Variants in GALK1 observed in about 807,000 individuals in gnomAD.
The protein encoded by GALK1 is galactokinase 1.
In GALK1, 30 loss-of-function variants were observed where a neutral mutation model predicts 38.6. That is an observed-to-expected ratio of 0.78 (90% CI 0.58 to 1.05). The LOEUF (loss-of-function observed/expected upper bound fraction) is 1.05. GALK1 is among the 50% of genes least tolerant of loss of function. GALK1 has a pLI of 0.00. For synonymous variants in GALK1, 240 were observed against 233.6 expected (o/e 1.03, Z -0.25); for missense variants, 512 against 540.5 (o/e 0.95, Z 0.52).
At chr17:75,756,631 C>T (rs1443366814), downstream of GALK1, 5 of 1,612,728 alleles carry the variant, frequency 3.1e-6, no homozygotes, top group Non-Finnish European at 3.4e-6. Context: ...AGTTGCCTCC[C>T]CCAGCCCCAG....
downstream of GALK1, chr17:75,754,803 G>A (rs771555970): frequency 1.3e-5 from 21 of 1,613,828 alleles, no homozygotes; most frequent in East Asian, 3.8e-4. Flanking sequence ...CCTCACCTCC[G>A]TCTCCTCCCA....
downstream of GALK1, among the ~76,000 whole-genome samples, chr17:75,754,267 G>A (rs1352964171): frequency 6.6e-6 from 1 of 152,186 alleles, no homozygotes; most frequent in Non-Finnish European, 1.5e-5. Flanking sequence ...AGGACAGGAG[G>A]GAAGGCTTGG....
intron 1 of GALK1, 171 bp downstream of exon 1, chr17:75,764,801 C>T: frequency 1.4e-6 from 1 of 731,440 alleles, no homozygotes; most frequent in East Asian, 2.7e-5. Context: ...TCCCTTCCAA[C>T]GTGGGGAACA....
Position 75,758,005 on chromosome 17 carries a change from G to A in GALK1, c.*51C>T. On this transcript the variant is annotated 3_prime_UTR_variant, in exon 8 of 8. Coordinates refer to ENST00000588479, the MANE Select transcript of GALK1 (RefSeq NM_000154.2). ...AGATGGCACCGGGCACAGAGCCGTG[G>A]GACTGGCCTGCAGGCCCCGCACCCT... 6.3e-7 allele frequency: 1 copy of A among 1,594,566 alleles called. No homozygotes were observed. Among genetic ancestry groups the A allele is most frequent in the Non-Finnish European group, 8.6e-7 (1 of 1,165,524 alleles).
chr17:75,756,795 G>A (rs906375343), downstream of GALK1: 3 of 1,612,528 alleles, frequency 1.9e-6, no homozygotes, highest in Admixed American at 1.7e-5. Flanking sequence ...GCTGGGAGCG[G>A]CCACGGAGGC....
intron 2 of GALK1, chr17:75,763,645 A>T: frequency 1.4e-6 from 1 of 702,574 alleles, no homozygotes; most frequent in Non-Finnish European, 2.4e-6. Context: ...GGACACTTCT[A>T]ATTGTCCTCC....
downstream of GALK1, chr17:75,757,669 C>A: frequency 7.0e-7 from 1 of 1,430,560 alleles, no homozygotes; most frequent in Non-Finnish European, 9.8e-7. Context: ...CACCCGCATG[C>A]ACAGAGCAGG....
chr17:75,755,591 G>A (rs562005881), downstream of GALK1: 27 of 1,379,080 alleles, frequency 2.0e-5, no homozygotes, highest in South Asian at 2.4e-4. Context: ...TCCAGCCAGC[G>A]GTCAGTGTAG....
downstream of GALK1, chr17:75,753,769 C>T (rs376280983): frequency 2.8e-6 from 4 of 1,444,560 alleles, no homozygotes; most frequent in South Asian, 3.0e-5. Flanking sequence ...CCCAAGGCTG[C>T]GGCTGGAAGT....
At chr17:75,754,411 G>A (rs2143470669), downstream of GALK1, 1 of 804,872 alleles carries the variant, frequency 1.2e-6, no homozygotes, top group Non-Finnish European at 2.0e-6. Context: ...TTGGGCTCCT[G>A]CAGGGACAGA....
downstream of GALK1, chr17:75,755,302 C>T (rs879228788): frequency 7.2e-7 from 1 of 1,385,348 alleles, no homozygotes; most frequent in Non-Finnish European, 9.9e-7. Flanking sequence ...GTGCCCACTG[C>T]TTCCCCTCCA....
chr17:75,757,571 C>T (rs1203599975), downstream of GALK1: 2 of 1,613,008 alleles, frequency 1.2e-6, no homozygotes, highest in Admixed American at 3.3e-5. Context: ...CCCTGCCCCA[C>T]CCCCGCCACG....
At chr17:75,753,512 C>T (rs1042704098), downstream of GALK1, among the ~76,000 whole-genome samples, 2 of 152,162 alleles carry the variant, frequency 1.3e-5, no homozygotes, top group African/African-American at 4.8e-5. Context: ...CTGGCGGGTC[C>T]GGGGGTCTCT....
At chr17:75,752,146 A>C (rs202197398) in intron 8 of GALK1, 1 of 1,612,430 alleles carries the variant, frequency 6.2e-7, no homozygotes, top group African/African-American at 1.3e-5. Flanking sequence ...GACCTGGGTG[A>C]CCCTCTGAAG....
downstream of GALK1, chr17:75,754,817 T>A (rs112954953): frequency 6.2e-7 from 1 of 1,614,018 alleles, no homozygotes; most frequent in South Asian, 1.1e-5. Context: ...CCTCCCACGG[T>A]GAGTGACCTC....
At position 75,763,956 on chromosome 17, in the gene GALK1, A is replaced by G. The variant is rs763150103; in HGVS notation, c.296T>C (p.Leu99Pro). The G allele has an allele frequency of 9.9e-6, 16 of 1,613,566 alleles. No individual in the cohort carries two copies. The highest frequency in any genetic ancestry group is 1.4e-5 in the Non-Finnish European group (16 of 1,179,974). The change falls in exon 2 of 8, where the codon CTG (leucine) becomes CCG (proline). Residue 99 changes from leucine (L) to proline (P), a missense_variant. Coordinates refer to ENST00000588479, the MANE Select transcript of GALK1 (RefSeq NM_000154.2). Reference sequence around the variant, plus strand: ...GGCCCACCGAGGAGTCCCAGGCTCCAGCGAGCGCTGGGCTGTGGGCAGTGG... The same window carrying G: ...GGCCCACCGAGGAGTCCCAGGCTCCGGCGAGCGCTGGGCTGTGGGCAGTGG... ...QFPLPTAQRS[L>P]EPGTPRWANY...
downstream of GALK1, chr17:75,755,331 C>G (rs1180917905): frequency 8.9e-7 from 1 of 1,119,650 alleles, no homozygotes; most frequent in African/African-American, 1.6e-5. Context: ...ACAGGACCCC[C>G]GCCTGCCCAC....
chr17:75,754,543 G>T, downstream of GALK1: 2 of 1,612,744 alleles, frequency 1.2e-6, no homozygotes. Context: ...TCTGGGGCAG[G>T]CCTGACCAAG....
downstream of GALK1, chr17:75,753,715 CG>C: frequency 1.6e-6 from 2 of 1,266,520 alleles, no homozygotes; most frequent in South Asian, 4.6e-5. Flanking sequence ...TGGCCCTGCT[CG>C]GCCCGGCGCC....
Sources: allele counts gnomAD v4.1 joint callset (sites outside exome capture counted in the v4.1 genomes callset), GRCh38; gene constraint gnomAD v4.1.1; transcripts MANE v1.5; gene names NCBI Gene and HGNC (gene_info 2026-07-23, HGNC 2026-07-21).